Variants in XPO1 observed in about 807,000 individuals in gnomAD.
XPO1 encodes the protein exportin 1.
XPO1 carries 5 observed loss-of-function variants against 133.3 expected under a neutral mutation model. The observed-to-expected ratio is 0.04, with a 90% confidence interval of 0.02 to 0.08. XPO1 has a LOEUF of 0.08. Ranked by LOEUF, XPO1 falls within the 10% of genes least tolerant of loss-of-function variation. The probability of loss-of-function intolerance (pLI) is 1.00; values close to 1 mark genes in which losing one functional copy is unlikely to be tolerated. For synonymous variants in XPO1, 419 were observed against 408.2 expected, an observed-to-expected ratio of 1.03 and a Z score of -0.32; for missense variants, 506 against 1,267.5, an observed-to-expected ratio of 0.40 and a Z score of 9.12.
At chr2:61,503,235 G>C (rs540985268) in intron 4 of XPO1, among the ~76,000 whole-genome samples, 4 of 152,106 alleles carry the variant, frequency 2.6e-5, no homozygotes, top group Admixed American at 2.0e-4. Flanking sequence ...GGGATTATAG[G>C]TGTGAGCTAC....
At chr2:61,520,684 ATT>A (rs2104731372) in intron 4 of XPO1, among the ~76,000 whole-genome samples, 1 of 152,308 alleles carries the variant, frequency 6.6e-6, no homozygotes, top group South Asian at 2.1e-4. Flanking sequence ...TTTTAAATTA[ATT>A]TTGTCTGTAA....
chr2:61,536,744 C>G (rs1385193667), intron 1 of XPO1: 1 of 152,496 alleles, frequency 6.6e-6, no homozygotes, highest in Non-Finnish European at 1.5e-5. Flanking sequence ...TTAGACCAGG[C>G]GCCTTAAGTT....
At chr2:61,532,903 C>T (rs908454891) in intron 2 of XPO1, among the ~76,000 whole-genome samples, 3 of 151,900 alleles carry the variant, frequency 2.0e-5, no homozygotes, top group African/African-American at 7.3e-5. Flanking sequence ...TGGGCCAGCA[C>T]GCGGTGGCTC....
chr2:61,500,487 G>C (rs1697452047), intron 6 of XPO1, among the ~76,000 whole-genome samples: 1 of 147,586 alleles, frequency 6.8e-6, no homozygotes, highest in African/African-American at 2.5e-5. Context: ...GCTGAGGCAG[G>C]AGAATCTCTT....
At chr2:61,509,183 T>A (rs946924974) in intron 4 of XPO1, among the ~76,000 whole-genome samples, 69 of 151,488 alleles carry the variant, frequency 4.6e-4, no homozygotes, top group Admixed American at 2.0e-3. Context: ...TTTTTTTTTT[T>A]AGGTAAAGAC....
intron 4 of XPO1, among the ~76,000 whole-genome samples, chr2:61,504,968 A>C (rs1479682104): frequency 6.6e-6 from 1 of 152,262 alleles, no homozygotes; most frequent in Non-Finnish European, 1.5e-5. Flanking sequence ...AGTAACATTT[A>C]TGCTACAAAT....
chr2:61,503,700 A>C (rs1292847602), intron 4 of XPO1, among the ~76,000 whole-genome samples: 3 of 152,304 alleles, frequency 2.0e-5, no homozygotes, highest in Middle Eastern at 3.4e-3. Context: ...CTGGGATTAC[A>C]GGCGTGAGCC....
In XPO1 at chr2:61,498,398, T is replaced by A. The variant is rs551951650; in HGVS notation, c.759+275A>T. Among the ~76,000 whole-genome samples, 12 of 152,352 alleles carry A rather than the reference T, an allele frequency of 7.9e-5. No individual in the cohort carries two copies. In the South Asian group the frequency reaches 2.5e-3, roughly 32 times the overall value. Reference sequence around the variant, plus strand: ...TCATTTTTCAGAAATAGCACTTGACTTACCTCACTGTAACTTACTCAAACT... The same window carrying A: ...TCATTTTTCAGAAATAGCACTTGACATACCTCACTGTAACTTACTCAAACT... On this transcript the variant is annotated intron_variant, in intron 9 of 24. Transcript: ENST00000401558.
rs56213841 is a variant in XPO1, at chr2:61,500,578, CAAAAA to C, written c.409-689_409-685del. The stretch of plus-strand genomic sequence containing the variant: ...TGGGCAACAGGATGAGACTCCATCT[CAAAAA>C]AAAAAAAAAAAAAAAGAGCAGCCTG... On this transcript the variant is annotated intron_variant, in intron 6 of 24. Transcript: ENST00000401558. 4.2e-4 allele frequency among the ~76,000 whole-genome samples: 17 copies of C among 40,410 alleles called. No individual in the cohort carries two copies. The East Asian group carries it at 5.9e-3, about 14-fold the overall frequency. The allele number at this position is 40,410 out of a possible 152,430, so 26.5% of individuals were successfully genotyped here. A position where few individuals can be genotyped will look rare whatever the true frequency, so the allele number is the denominator to read the frequency against.
intron 3 of XPO1, 70 bp downstream of exon 3, chr2:61,526,350 G>A (rs1038876944): frequency 1.1e-4 from 167 of 1,529,646 alleles, no homozygotes; most frequent in African/African-American, 2.2e-4. Flanking sequence ...TACTAAAAAT[G>A]AGATACCTTC....
chr2:61,534,034 G>A (rs1446532), intron 1 of XPO1, 131 bp from the exon 2 acceptor site: 893,680 of 913,836 alleles, frequency 0.98, 437,019 homozygotes, highest in East Asian at 1. Context: ...TTTAATTACA[G>A]AAAACTGAGA....
chr2:61,535,553 CAAT>C lies in XPO1; in HGVS notation c.-6-1653_-6-1651del, dbSNP rs1354730330. 2.2e-4 allele frequency among the ~76,000 whole-genome samples: 34 copies of C among 152,248 alleles called. 1 individual carries two copies. Among genetic ancestry groups the C allele is most frequent in the Admixed American group, 2.0e-3 (30 of 15,302 alleles). The stretch of plus-strand genomic sequence containing the variant: ...TATAACAGCTTAAAAATGTCCATAA[CAAT>C]AATGGCAGCAAATTCTATTTTAATG... On this transcript the variant is annotated intron_variant, in intron 1 of 24. Coordinates refer to ENST00000401558, the MANE Select transcript of XPO1 (RefSeq NM_003400.4).
intron 4 of XPO1, among the ~76,000 whole-genome samples, chr2:61,520,346 T>A (rs763403980): frequency 1.3e-5 from 2 of 152,274 alleles, no homozygotes; most frequent in African/African-American, 2.4e-5. Flanking sequence ...CCAGTTAAAA[T>A]TAAAAAGGTA....
rs1416983847 is a variant in XPO1, at chr2:61,492,197, C to T, written c.1725G>A (p.Glu575=). ...VVNKLFEFMH[E]THDGVQDMAC... ...CCATATCCTGGACTCCATCATGGGT[C>T]TCTAACAAGACAAAAATATTCATTT... Residue 575 remains glutamate, a splice_region_variant and synonymous_variant, in exon 16 of 25, where the codon GAG becomes GAA. Coordinates refer to ENST00000401558, the MANE Select transcript of XPO1 (RefSeq NM_003400.4). This position sits in a 1 kb window ranked among gnomAD's most constrained non-coding sequence, Gnocchi z 5.6. 5.0e-6 allele frequency: 8 copies of T among 1,613,336 alleles called. No homozygotes were observed. The highest frequency in any genetic ancestry group is 6.8e-6 in the Non-Finnish European group (8 of 1,179,688).
At chr2:61,528,385 G>A (rs575319115) in intron 2 of XPO1, among the ~76,000 whole-genome samples, 46 of 151,914 alleles carry the variant, frequency 3.0e-4, no homozygotes, top group African/African-American at 1.0e-3. Flanking sequence ...CTGTAATCCT[G>A]GCACTATGGG....
At chr2:61,534,468 A>AG (rs1459092440) in intron 1 of XPO1, 1 of 152,298 alleles carries the variant, frequency 6.6e-6, no homozygotes, top group Non-Finnish European at 1.5e-5. Flanking sequence ...GAATCACTTG[A>AG]GGTCAGGAGT....
At chr2:61,494,119 TA>T in intron 11 of XPO1, 28 bp from the exon 12 acceptor site, 1 of 1,589,900 alleles carries the variant, frequency 6.3e-7, no homozygotes, top group South Asian at 1.1e-5. Flanking sequence ...ACTGTTAAAA[TA>T]ATTCTTAAAC....
At chr2:61,519,577 T>TA (rs1698582392) in intron 4 of XPO1, among the ~76,000 whole-genome samples, 1 of 149,276 alleles carries the variant, frequency 6.7e-6, no homozygotes, top group Non-Finnish European at 1.5e-5. Flanking sequence ...CGGGTGCCTG[T>TA]AGTCCCAGCT....
At chr2:61,528,652 CA>C (rs34466565) in intron 2 of XPO1, among the ~76,000 whole-genome samples, 52,328 of 116,984 alleles carry the variant, frequency 0.45, 11,247 homozygotes, top group Middle Eastern at 0.6. Context: ...GACTCCCTCT[CA>C]AAAAAAAAAA....
Sources: allele counts gnomAD v4.1 joint callset (sites outside exome capture counted in the v4.1 genomes callset), GRCh38; gene constraint gnomAD v4.1.1; non-coding constraint Gnocchi (gnomAD v3.1); transcripts MANE v1.5; gene names NCBI Gene and HGNC (gene_info 2026-07-23, HGNC 2026-07-21).